The following GRM7 variants were observed in gnomAD, a reference collection of about 807,000 sequenced individuals.
The protein encoded by GRM7 is glutamate metabotropic receptor 7, also known as metabotropic glutamate receptor 7.
GRM7 carries 35 observed loss-of-function variants against 84.5 expected under a neutral mutation model. The observed-to-expected ratio is 0.41, with a 90% confidence interval of 0.32 to 0.55. The LOEUF (loss-of-function observed/expected upper bound fraction) is 0.55. Among genes scored for constraint, GRM7 ranks in the 20% least tolerant of loss-of-function variants. GRM7 has a pLI of 0.19. For missense variants in GRM7, 1,003 were observed against 1,194.6 expected (o/e 0.84, Z 2.36); for synonymous variants, 487 against 455.1 (o/e 1.07, Z -0.89).
intron 2 of GRM7, among the ~76,000 whole-genome samples, chr3:7,271,538 G>C: frequency 7.1e-6 from 1 of 140,370 alleles, no homozygotes; most frequent in East Asian, 2.1e-4. Flanking sequence ...CAGCCTGGGC[G>C]ACAGAGTGAG....
intron 1 of GRM7, among the ~76,000 whole-genome samples, chr3:7,015,788 A>G (rs771383990): frequency 6.6e-6 from 1 of 152,218 alleles, no homozygotes; most frequent in Non-Finnish European, 1.5e-5. Context: ...GTGTCCTTAC[A>G]ACATGGCTTC....
intron 4 of GRM7, among the ~76,000 whole-genome samples, chr3:7,345,401 C>A (rs1692844595): frequency 6.6e-6 from 1 of 151,862 alleles, no homozygotes; most frequent in Non-Finnish European, 1.5e-5. Context: ...CTTAGCCTCC[C>A]AAATGGTAGC....
At chr3:7,066,594 C>A (rs1479573661) in intron 1 of GRM7, among the ~76,000 whole-genome samples, 1 of 151,782 alleles carries the variant, frequency 6.6e-6, no homozygotes, top group East Asian at 1.9e-4. Flanking sequence ...TTCTACCAGA[C>A]ATTCAAAGAA....
At chr3:7,509,516 C>G (rs918675947) in intron 7 of GRM7, among the ~76,000 whole-genome samples, 1 of 152,176 alleles carries the variant, frequency 6.6e-6, no homozygotes, top group African/African-American at 2.4e-5. Context: ...TATACATCCT[C>G]TGCAGATATA....
At chr3:7,225,796 A>C (rs1696964705) in intron 2 of GRM7, among the ~76,000 whole-genome samples, 1 of 152,022 alleles carries the variant, frequency 6.6e-6, no homozygotes, top group African/African-American at 2.4e-5. Context: ...AAACTATTTC[A>C]GGGAAGATTC....
intron 4 of GRM7, among the ~76,000 whole-genome samples, chr3:7,311,433 A>G (rs1042535621): frequency 2.0e-5 from 3 of 150,564 alleles, no homozygotes; most frequent in Admixed American, 2.0e-4. Context: ...GCTAAGCTAC[A>G]TAGTGGCAAC....
At chr3:7,019,797 T>C (rs79250139) in intron 1 of GRM7, among the ~76,000 whole-genome samples, 4,941 of 152,114 alleles carry the variant, frequency 0.032, 288 homozygotes, top group African/African-American at 0.11. Context: ...AACATAGAAA[T>C]AAAAAACCCA....
At chr3:7,549,200 A>G (rs1307459331) in intron 7 of GRM7, among the ~76,000 whole-genome samples, 20 of 152,242 alleles carry the variant, frequency 1.3e-4, no homozygotes, top group Admixed American at 1.3e-3. Context: ...CATTCAATAC[A>G]TTAAATTAAA....
chr3:7,705,543 A>C (rs1701357242), intron 9 of GRM7, among the ~76,000 whole-genome samples: 1 of 152,212 alleles, frequency 6.6e-6, no homozygotes, highest in Non-Finnish European at 1.5e-5. Context: ...GGGAATTATG[A>C]AACAAAGCTA....
At chr3:7,270,679 G>A (rs759499159) in intron 2 of GRM7, among the ~76,000 whole-genome samples, 2 of 151,350 alleles carry the variant, frequency 1.3e-5, no homozygotes, top group East Asian at 1.9e-4. Flanking sequence ...ACGCAGTTAC[G>A]GATGCTCGCC....
At chr3:7,029,315 C>CAAAAAAAAAAAAAAA (rs1207041327) in intron 1 of GRM7, among the ~76,000 whole-genome samples, 2 of 92,820 alleles carry the variant, frequency 2.2e-5, no homozygotes, top group Non-Finnish European at 2.4e-5. Flanking sequence ...AAAAAAAAAA[C>CAAAAAAAAAAAAAAA]AAAAAAAAAA....
intron 1 of GRM7, among the ~76,000 whole-genome samples, chr3:6,981,281 G>A (rs34165704): frequency 0.11 from 16,053 of 152,084 alleles, 933 homozygotes; most frequent in East Asian, 0.14. Flanking sequence ...ATAGTTACAC[G>A]CACTGTCTAA....
At chr3:7,378,937 G>T (rs1694471990) in intron 4 of GRM7, among the ~76,000 whole-genome samples, 1 of 152,146 alleles carries the variant, frequency 6.6e-6, no homozygotes, top group African/African-American at 2.4e-5. Flanking sequence ...TGACTGCAAT[G>T]CCATTATCAC....
chr3:7,370,444 G>C (rs922191422), intron 4 of GRM7, among the ~76,000 whole-genome samples: 2 of 152,130 alleles, frequency 1.3e-5, no homozygotes, highest in Admixed American at 6.6e-5. Flanking sequence ...TGACTTGGCT[G>C]TCATTCTCTC....
chr3:7,124,373 G>T (rs905758988), intron 1 of GRM7, among the ~76,000 whole-genome samples: 9 of 152,156 alleles, frequency 5.9e-5, no homozygotes, highest in Non-Finnish European at 1.0e-4. Flanking sequence ...AGGCATGGTG[G>T]CTCACGCTTG....
chr3:7,059,413 A>G (rs995805635), intron 1 of GRM7, among the ~76,000 whole-genome samples: 3 of 151,756 alleles, frequency 2.0e-5, no homozygotes, highest in Admixed American at 1.3e-4. Context: ...AAAGGTCTTT[A>G]TAAAAGTTTC....
At chr3:7,356,660 C>T (rs554730993) in intron 4 of GRM7, among the ~76,000 whole-genome samples, 2 of 152,166 alleles carry the variant, frequency 1.3e-5, no homozygotes, top group Non-Finnish European at 2.9e-5. Flanking sequence ...AGATACCACT[C>T]AGCTTCTTTC....
intron 1 of GRM7, among the ~76,000 whole-genome samples, chr3:6,918,270 G>T (rs1246546720): frequency 2.0e-5 from 3 of 152,206 alleles, no homozygotes; most frequent in African/African-American, 4.8e-5. Context: ...AGCAGGGAAA[G>T]CTTAAGCCTT....
chr3:6,941,512 A>G (rs1002254564), intron 1 of GRM7, among the ~76,000 whole-genome samples: 1 of 152,222 alleles, frequency 6.6e-6, no homozygotes, highest in African/African-American at 2.4e-5. Flanking sequence ...AGGATGAAGA[A>G]CAAAATAGAT....
Sources: gnomAD v4.1 joint callset for allele counts (sites outside exome capture counted in the v4.1 genomes callset) on GRCh38, gnomAD v4.1.1 for gene constraint, MANE v1.5 for transcripts, NCBI Gene and HGNC (gene_info 2026-07-23, HGNC 2026-07-21) for gene names.